The following PRTFDC1 variants were observed in gnomAD, a reference collection of about 807,000 sequenced individuals.
PRTFDC1 encodes phosphoribosyltransferase domain-containing protein 1.
PRTFDC1 carries 38 observed loss-of-function variants against 34.6 expected under a neutral mutation model. That is an observed-to-expected ratio of 1.10 (90% CI 0.85 to 1.44). PRTFDC1 has a LOEUF of 1.44. PRTFDC1 is among the 40% of genes most tolerant of loss of function. The probability of loss-of-function intolerance (pLI) is 0.00; values close to 1 mark genes in which losing one functional copy is unlikely to be tolerated. For missense variants in PRTFDC1, 270 were observed against 283.0 expected (o/e 0.95, Z 0.33); for synonymous variants, 93 against 98.1 (o/e 0.95, Z 0.31).
chr10:24,912,292 A>AG (rs1848638141), intron 3 of PRTFDC1, among the ~76,000 whole-genome samples: 1 of 142,176 alleles, frequency 7.0e-6, no homozygotes, highest in Non-Finnish European at 1.5e-5. Flanking sequence ...AAAAAAAAAA[A>AG]AAAGAAAGAA....
chr10:24,910,364 A>C (rs755681477), intron 3 of PRTFDC1, among the ~76,000 whole-genome samples: 23 of 152,176 alleles, frequency 1.5e-4, no homozygotes, highest in Non-Finnish European at 3.1e-4. Flanking sequence ...GGCCAACCAC[A>C]AGTAAGTCAT....
chr10:24,896,987 A>G (rs1280594884), intron 3 of PRTFDC1, among the ~76,000 whole-genome samples: 1 of 152,178 alleles, frequency 6.6e-6, no homozygotes, highest in Non-Finnish European at 1.5e-5. Context: ...AGGTGGGAGA[A>G]TTGCTTAAGT....
intron 3 of PRTFDC1, among the ~76,000 whole-genome samples, chr10:24,911,620 C>T (rs1848628067): frequency 6.6e-6 from 1 of 152,200 alleles, no homozygotes; most frequent in African/African-American, 2.4e-5. Flanking sequence ...GTAATCCCAG[C>T]ACTTTGGGAG....
intron 5 of PRTFDC1, among the ~76,000 whole-genome samples, chr10:24,857,369 A>G (rs75207103): frequency 0.014 from 2,208 of 152,298 alleles, 55 homozygotes; most frequent in African/African-American, 0.046. Context: ...TTTCATGGAT[A>G]TGTACATCTG....
At chr10:24,940,942 T>C (rs1248065886) in intron 2 of PRTFDC1, among the ~76,000 whole-genome samples, 1 of 152,154 alleles carries the variant, frequency 6.6e-6, no homozygotes. Flanking sequence ...AACTGGATGG[T>C]GCTGATGGTT....
intron 4 of PRTFDC1, chr10:24,867,774 T>G (rs1052245335): frequency 6.6e-6 from 1 of 151,950 alleles, no homozygotes; most frequent in Non-Finnish European, 1.5e-5. Context: ...GGTATTGTAT[T>G]AAATTTTGGT....
At chr10:24,933,693 ATT>A (rs71399941) in intron 3 of PRTFDC1, among the ~76,000 whole-genome samples, 243 of 136,020 alleles carry the variant, frequency 1.8e-3, no homozygotes, top group South Asian at 7.9e-3. Context: ...GAGTTTGGCA[ATT>A]TTTTTTTTTT....
intron 3 of PRTFDC1, among the ~76,000 whole-genome samples, chr10:24,891,348 T>C (rs1848258496): frequency 6.6e-6 from 1 of 152,144 alleles, no homozygotes; most frequent in East Asian, 1.9e-4. Context: ...AACAAAACCT[T>C]GCTTTTTAAT....
Position 24,895,688 on chromosome 10 carries a change from G to T in PRTFDC1, c.340-23625C>A, listed in dbSNP as rs866044347. 4.3e-3 allele frequency among the ~76,000 whole-genome samples: 203 copies of T among 47,406 alleles called. 1 individual carries two copies. Among genetic ancestry groups the T allele is most frequent in the African/African-American group, 0.012 (172 of 14,030 alleles). 31.1% of individuals were successfully genotyped at this position (47,406 alleles called of 152,430 possible). On this transcript the variant is annotated intron_variant, in intron 3 of 8. Transcript: ENST00000320152. ...ACCTAGGAGGGCAAGAGCTGGGGTG[G>T]ATATATATATATATATATATATATA...
At chr10:24,849,969 G>A (rs1377264172) in intron 8 of PRTFDC1, 78 bp from the exon 9 acceptor site, 26 of 1,333,130 alleles carry the variant, frequency 2.0e-5, no homozygotes, top group Non-Finnish European at 2.7e-5. Flanking sequence ...AGTAATAACC[G>A]AATGCCATCC....
At chr10:24,872,714 A>T (rs955756192) in intron 3 of PRTFDC1, among the ~76,000 whole-genome samples, 2 of 89,810 alleles carry the variant, frequency 2.2e-5, no homozygotes. Context: ...CAAAATATAT[A>T]TAATACACAA....
At position 24,849,647 on chromosome 10, in the gene PRTFDC1, C is replaced by G. The variant is rs1431242275; in HGVS notation, c.*197G>C. On this transcript the variant is annotated 3_prime_UTR_variant, in exon 9 of 9. Transcript: ENST00000320152. ...TAATTTGGAACAAGTCAAATAAAAG[C>G]ACTGCTTTCTTTTCCTTAGGAACCT... The G allele has an allele frequency of 1.9e-6, 1 of 533,050 alleles. No individual in the cohort carries two copies. Among genetic ancestry groups the G allele is most frequent in the African/African-American group, 1.9e-5 (1 of 52,546 alleles). 33.0% of individuals were successfully genotyped at this position (533,050 alleles called of 1,614,324 possible).
intron 2 of PRTFDC1, among the ~76,000 whole-genome samples, chr10:24,937,884 C>T (rs2132609044): frequency 6.6e-6 from 1 of 152,040 alleles, no homozygotes; most frequent in South Asian, 2.1e-4. Context: ...AAAGAAGACA[C>T]ACGATCATAA....
At chr10:24,935,627 G>C (rs1050626780) in intron 3 of PRTFDC1, among the ~76,000 whole-genome samples, 2 of 152,216 alleles carry the variant, frequency 1.3e-5, no homozygotes, top group African/African-American at 4.8e-5. Context: ...ACTTGTAAAC[G>C]TGGTGGGAAT....
At chr10:24,951,347 T>C (rs1849340685) in intron 1 of PRTFDC1, among the ~76,000 whole-genome samples, 1 of 152,200 alleles carries the variant, frequency 6.6e-6, no homozygotes, top group Non-Finnish European at 1.5e-5. Flanking sequence ...CGCAAGCTCA[T>C]GAAGACAAGG....
At position 24,855,369 on chromosome 10, in the gene PRTFDC1, C is replaced by A. The variant is rs754912465; in HGVS notation, c.507-5G>T. On this transcript the variant is annotated splice_polypyrimidine_tract_variant and splice_region_variant and intron_variant, in intron 6 of 8. Transcript: ENST00000320152. Reference sequence around the variant, plus strand: ...GATGTTCTCTTCACCAACAAACTACCATTAAAAAAGACATGCTTTAGTGAA... The same window carrying A: ...GATGTTCTCTTCACCAACAAACTACAATTAAAAAAGACATGCTTTAGTGAA... 2.9e-5 allele frequency: 46 copies of A among 1,613,752 alleles called. 1 individual carries two copies. Among genetic ancestry groups the A allele is most frequent in the Middle Eastern group, 3.3e-4 (2 of 6,082 alleles).
intron 4 of PRTFDC1, among the ~76,000 whole-genome samples, chr10:24,859,174 T>G (rs1847632995): frequency 6.6e-6 from 1 of 152,114 alleles, no homozygotes. Flanking sequence ...TTGTATCTGG[T>G]TGTTTAAAGG....
chr10:24,941,341 C>T (rs905954751), intron 2 of PRTFDC1, among the ~76,000 whole-genome samples: 2 of 151,862 alleles, frequency 1.3e-5, no homozygotes, highest in Admixed American at 6.6e-5. Context: ...AGGAACGAGC[C>T]ACTGTACCCA....
chr10:24,892,460 C>T (rs931776300), intron 3 of PRTFDC1, among the ~76,000 whole-genome samples: 1 of 151,472 alleles, frequency 6.6e-6, no homozygotes, highest in East Asian at 1.9e-4. Context: ...GAAGTGGTAT[C>T]CCATCTGGTT....
Sources: gnomAD v4.1 joint callset for allele counts (sites outside exome capture counted in the v4.1 genomes callset) on GRCh38, gnomAD v4.1.1 for gene constraint, MANE v1.5 for transcripts, NCBI Gene and HGNC (gene_info 2026-07-23, HGNC 2026-07-21) for gene names.